The following HIRA variants were observed in gnomAD, a reference collection of about 807,000 sequenced individuals.
HIRA encodes the protein histone cell cycle regulator, also known as protein HIRA.
In HIRA, 13 loss-of-function variants were observed where a neutral mutation model predicts 126.6. The observed-to-expected ratio is 0.10, with a 90% confidence interval of 0.07 to 0.16. The LOEUF is 0.16. Ranked by LOEUF, HIRA falls within the 10% of genes least tolerant of loss-of-function variation. The pLI is 1.00. For missense variants in HIRA, 834 were observed against 1,314.4 expected (o/e 0.63, Z 5.65); for synonymous variants, 511 against 520.0 (o/e 0.98, Z 0.24).
intron 15 of HIRA, among the ~76,000 whole-genome samples, chr22:19,370,788 T>A (rs1029470647): frequency 6.6e-6 from 1 of 152,222 alleles, no homozygotes. Flanking sequence ...CCCAAGTGAA[T>A]GCTCACTCAC....
chr22:19,355,253 G>A (rs573905845), intron 21 of HIRA, among the ~76,000 whole-genome samples: 2 of 152,166 alleles, frequency 1.3e-5, no homozygotes, highest in Non-Finnish European at 2.9e-5. Flanking sequence ...TCTGGGTTAA[G>A]AGCTCTGATG....
chr22:19,351,035 C>T lies in HIRA; in HGVS notation c.2937+323G>A, dbSNP rs1556010727. The T allele has an allele frequency of 1.5e-6, 1 of 653,082 alleles. No homozygotes were observed. The highest frequency in any genetic ancestry group is 6.3e-5 in the Admixed American group (1 of 15,862). The allele number at this position is 653,082 out of a possible 1,614,324, so 40.5% of individuals were successfully genotyped here. A position where few individuals can be genotyped will look rare whatever the true frequency, so the allele number is the denominator to read the frequency against. On this transcript the variant is annotated intron_variant, in intron 24 of 24. Transcript: ENST00000263208. The surrounding 1 kb of genome is among the most constrained non-coding windows in gnomAD (Gnocchi z 4.8). ...ACTGCCTCCCTGTTTATGTGTGCATCCCTACCAGACCGAGCTCCACGAAGG... is the reference window on the plus strand; with the variant it reads ...ACTGCCTCCCTGTTTATGTGTGCATTCCTACCAGACCGAGCTCCACGAAGG...
At chr22:19,392,831 G>C (rs1010531851) in intron 8 of HIRA, among the ~76,000 whole-genome samples, 3 of 152,170 alleles carry the variant, frequency 2.0e-5, no homozygotes, top group Admixed American at 2.0e-4. Flanking sequence ...ACTACCCCGA[G>C]AGTAACTTGT....
At chr22:19,414,218 T>G (rs2089377134) in intron 1 of HIRA, among the ~76,000 whole-genome samples, 1 of 152,212 alleles carries the variant, frequency 6.6e-6, no homozygotes, top group Non-Finnish European at 1.5e-5. Flanking sequence ...TCTGGGGATT[T>G]GCTGATTTGA....
intron 13 of HIRA, among the ~76,000 whole-genome samples, chr22:19,378,402 G>A (rs1033287878): frequency 9.2e-5 from 14 of 152,182 alleles, no homozygotes; most frequent in Admixed American, 9.2e-4. Context: ...TACAGAAAGG[G>A]CCTCCCTTTC....
At chr22:19,350,712 G>C (rs1556010599) in intron 24 of HIRA, among the ~76,000 whole-genome samples, 1 of 151,996 alleles carries the variant, frequency 6.6e-6, no homozygotes, top group Non-Finnish European at 1.5e-5. Flanking sequence ...GCTAGCTCCT[G>C]TAAAGGTCTC....
chr22:19,367,863 C>A (rs1327647485), intron 15 of HIRA, among the ~76,000 whole-genome samples: 2 of 152,136 alleles, frequency 1.3e-5, no homozygotes, highest in African/African-American at 2.4e-5. Context: ...AGATGTGGAA[C>A]CCATGGATAC....
At chr22:19,350,761 C>T (rs375264168) in intron 24 of HIRA, among the ~76,000 whole-genome samples, 13 of 152,160 alleles carry the variant, frequency 8.5e-5, no homozygotes, top group East Asian at 5.8e-4. Context: ...CCACCCTCTC[C>T]TTTTGCCTTC....
At chr22:19,388,618 G>T in intron 9 of HIRA, 64 bp from the exon 10 acceptor site, 1 of 1,347,590 alleles carries the variant, frequency 7.4e-7, no homozygotes, top group Non-Finnish European at 1.1e-6. Context: ...ATTCAGCTCA[G>T]TTAACATAAC....
chr22:19,352,566 C>T (rs1002157033), intron 23 of HIRA, among the ~76,000 whole-genome samples: 1 of 152,190 alleles, frequency 6.6e-6, no homozygotes, highest in African/African-American at 2.4e-5. Flanking sequence ...CACACACACA[C>T]ACATACACTC....
At chr22:19,332,462 G>A (rs2088501236) in intron 24 of HIRA, among the ~76,000 whole-genome samples, 1 of 152,114 alleles carries the variant, frequency 6.6e-6, no homozygotes, top group South Asian at 2.1e-4. Context: ...GAGATGGTAT[G>A]GATTTGCAAA....
In HIRA at chr22:19,408,521, T is replaced by C; in HGVS notation, c.173A>G (p.Asn58Ser). The C allele has an allele frequency of 6.2e-7, 1 of 1,613,606 alleles. No homozygotes were observed. ...CATCTGGCAAAGCATCTTGGGAATA[T>C]TTTCATCCTTCTCGTCATCCTCCTG... is the stretch of plus-strand genomic sequence containing the variant. ...VLQEDDEKDENIPKMLCQMDN... is the reference protein window; with the variant it reads ...VLQEDDEKDESIPKMLCQMDN... Residue 58 changes from asparagine to serine, a missense_variant, in exon 3 of 25, where the codon AAT becomes AGT. By Grantham distance (46) the Asn-to-Ser change is conservative. Coordinates refer to ENST00000263208, the MANE Select transcript of HIRA (RefSeq NM_003325.4).
At chr22:19,422,906 G>A (rs1289800650) in intron 1 of HIRA, among the ~76,000 whole-genome samples, 3 of 152,136 alleles carry the variant, frequency 2.0e-5, no homozygotes, top group African/African-American at 7.2e-5. Context: ...CCAGGCTGTG[G>A]ACACGGGAGT....
At chr22:19,371,026 C>T (rs1054569343) in intron 15 of HIRA, among the ~76,000 whole-genome samples, 1 of 152,206 alleles carries the variant, frequency 6.6e-6, no homozygotes, top group Admixed American at 6.5e-5. Context: ...AGGGTATGCA[C>T]TACATGAGAG....
chr22:19,381,931 A>G (rs558658334), intron 13 of HIRA, among the ~76,000 whole-genome samples: 67 of 152,110 alleles, frequency 4.4e-4, no homozygotes, highest in African/African-American at 1.5e-3. Flanking sequence ...TCTGTCCTCT[A>G]TTTCTTCCAC....
At chr22:19,416,788 T>C (rs751542392) in intron 1 of HIRA, among the ~76,000 whole-genome samples, 1 of 152,166 alleles carries the variant, frequency 6.6e-6, no homozygotes, top group Non-Finnish European at 1.5e-5. Context: ...GGGAGAAATA[T>C]CTGCAAATTA....
chr22:19,363,305 G>A (rs1296186211), intron 15 of HIRA, among the ~76,000 whole-genome samples: 3 of 149,654 alleles, frequency 2.0e-5, no homozygotes, highest in Admixed American at 6.7e-5. Context: ...AACTACAAAA[G>A]ACAAAGACAG....
At chr22:19,421,649 C>T (rs1230464433) in intron 1 of HIRA, among the ~76,000 whole-genome samples, 1 of 152,112 alleles carries the variant, frequency 6.6e-6, no homozygotes. Flanking sequence ...TGGAACTCAT[C>T]CTTCTGTTCT....
intron 1 of HIRA, among the ~76,000 whole-genome samples, chr22:19,426,652 A>C (rs1435651599): frequency 6.6e-6 from 1 of 152,224 alleles, no homozygotes; most frequent in Non-Finnish European, 1.5e-5. Context: ...GTTCAGAGAG[A>C]GAGCCTTATT....
Sources: gnomAD v4.1 joint callset for allele counts (sites outside exome capture counted in the v4.1 genomes callset) on GRCh38, gnomAD v4.1.1 for gene constraint, Gnocchi (gnomAD v3.1) non-coding constraint, MANE v1.5 for transcripts, NCBI Gene and HGNC (gene_info 2026-07-23, HGNC 2026-07-21) for gene names.